The following ZKSCAN5 variants were observed in gnomAD, a reference collection of about 807,000 sequenced individuals.
ZKSCAN5 encodes zinc finger with KRAB and SCAN domains 5.
A neutral mutation model predicts 60.0 loss-of-function variants in ZKSCAN5; 28 were observed. That is an observed-to-expected ratio of 0.47 (90% CI 0.35 to 0.64). ZKSCAN5 has a LOEUF of 0.64. ZKSCAN5 is among the 30% of genes least tolerant of loss of function. The pLI is 0.01. For synonymous variants in ZKSCAN5, 361 were observed against 371.2 expected (o/e 0.97, Z 0.31); for missense variants, 881 against 1,034.6 (o/e 0.85, Z 2.04).
chr7:99,520,492 A>G (rs548311454), intron 5 of ZKSCAN5, among the ~76,000 whole-genome samples, 188 bp downstream of exon 5: 1 of 150,230 alleles, frequency 6.7e-6, no homozygotes, highest in African/African-American at 2.5e-5. Context: ...GATCATTTCC[A>G]TCTTAATAAG....
At chr7:99,520,395 G>A in intron 5 of ZKSCAN5, 91 bp downstream of exon 5, 2 of 1,422,588 alleles carry the variant, frequency 1.4e-6, no homozygotes, top group Non-Finnish European at 1.9e-6. Flanking sequence ...TGGCATTTAT[G>A]TTTTATGTGC....
intron 3 of ZKSCAN5, among the ~76,000 whole-genome samples, chr7:99,517,149 T>A (rs1363136009): frequency 6.6e-6 from 1 of 152,164 alleles, no homozygotes; most frequent in Non-Finnish European, 1.5e-5. Context: ...CAGCGCAACC[T>A]CTGCCTCCCA....
Position 99,526,194 on chromosome 7 carries a change from A to T in ZKSCAN5, c.1154A>T (p.Gln385Leu). 1 of 1,614,226 alleles carries T rather than the reference A, an allele frequency of 6.2e-7. No homozygotes were observed. Among genetic ancestry groups the T allele is most frequent in the Non-Finnish European group, 8.5e-7 (1 of 1,180,028 alleles). Residue 385 changes from glutamine to leucine, a missense_variant, in exon 6 of 7, where the codon CAG becomes CTG. By Grantham distance (113) the Gln-to-Leu change is moderately radical. Around this residue, in one of 5 missense-constraint regions of ZKSCAN5, gnomAD observed 490 missense variants for 554.5 expected, o/e 0.88. Coordinates refer to ENST00000326775, the MANE Select transcript of ZKSCAN5 (RefSeq NM_145102.4). The stretch of plus-strand genomic sequence containing the variant: ...GGAGAATGTGGGAAGAGCTACAATC[A>T]GCGGGTGCACCTCACCCAGCACCAG... The part of the protein sequence containing the change: ...KCGECGKSYN[Q>L]RVHLTQHQRV...
chr7:99,510,273 T>A (rs1415542869), intron 2 of ZKSCAN5, among the ~76,000 whole-genome samples: 1 of 151,906 alleles, frequency 6.6e-6, no homozygotes, highest in Admixed American at 6.6e-5. Context: ...GGAGTCTGGC[T>A]CTGCCACCCA....
intron 3 of ZKSCAN5, among the ~76,000 whole-genome samples, chr7:99,517,846 CA>C (rs34620664): frequency 0.4 from 51,816 of 129,742 alleles, 14,116 homozygotes; most frequent in African/African-American, 0.79. Context: ...GACCTTGTCT[CA>C]AAAAAAAAAA....
chr7:99,528,445 G>T (rs1221361247), intron 6 of ZKSCAN5, among the ~76,000 whole-genome samples: 1 of 151,328 alleles, frequency 6.6e-6, no homozygotes, highest in African/African-American at 2.4e-5. Flanking sequence ...TTTGTATTTT[G>T]AGATAGGGTC....
intron 2 of ZKSCAN5, 27 bp downstream of exon 2, chr7:99,506,485 A>C: frequency 6.3e-7 from 1 of 1,583,110 alleles, no homozygotes; most frequent in East Asian, 2.2e-5. Context: ...CTATATGAGC[A>C]ATGAAGGAGA....
Position 99,531,456 on chromosome 7 carries a change from C to G in ZKSCAN5, c.1727C>G (p.Pro576Arg). The change falls in exon 7 of 7, where the codon CCA becomes CGA. Residue 576 changes from proline (P) to arginine (R), a missense_variant. This residue lies in a region of ZKSCAN5 where 112 missense variants were observed against 182.4 expected (regional missense o/e 0.61). Coordinates refer to ENST00000326775, the MANE Select transcript of ZKSCAN5 (RefSeq NM_145102.4). ...QHQRIHTGEK[P>R]FRCEECGKSY... is the part of the protein sequence containing the mutation. ...CAAAGAATACACACTGGGGAGAAACCATTCAGGTGTGAGGAATGTGGGAAA... is the reference window on the plus strand; with the variant it reads ...CAAAGAATACACACTGGGGAGAAACGATTCAGGTGTGAGGAATGTGGGAAA... 1 of 1,614,178 alleles carries G rather than the reference C, an allele frequency of 6.2e-7. No homozygotes were observed. The highest frequency in any genetic ancestry group is 8.5e-7 in the Non-Finnish European group (1 of 1,180,022).
In ZKSCAN5 at chr7:99,533,348, T is replaced by G; in HGVS notation, c.*1099T>G. ...AAGAGGATGACATGTGTGAGAGAGTTCTGAGCCTGTTTGCTAGGGAGAGTG... is the reference window on the plus strand; with the variant it reads ...AAGAGGATGACATGTGTGAGAGAGTGCTGAGCCTGTTTGCTAGGGAGAGTG... On this transcript the variant is annotated 3_prime_UTR_variant, in exon 7 of 7. Coordinates refer to ENST00000326775, the MANE Select transcript of ZKSCAN5 (RefSeq NM_145102.4). 1.6e-6 allele frequency: 1 copy of G among 614,702 alleles called. No individual in the cohort carries two copies. Among genetic ancestry groups the G allele is most frequent in the Non-Finnish European group, 3.0e-6 (1 of 332,708 alleles). The allele number at this position is 614,702 out of a possible 1,614,324, so 38.1% of individuals were successfully genotyped here.
intron 1 of ZKSCAN5, 85 bp from the exon 2 acceptor site, chr7:99,505,920 A>T: frequency 8.5e-7 from 1 of 1,172,886 alleles, no homozygotes; most frequent in Non-Finnish European, 1.2e-6. Context: ...CTTTGCTAAT[A>T]ATGATGCCCA....
At chr7:99,524,314 T>A (rs1562912282) in intron 5 of ZKSCAN5, among the ~76,000 whole-genome samples, 1 of 152,136 alleles carries the variant, frequency 6.6e-6, no homozygotes, top group Non-Finnish European at 1.5e-5. Flanking sequence ...CCTCAAGTGA[T>A]CCGCCTACCT....
At chr7:99,514,831 A>T (rs1801192555) in intron 3 of ZKSCAN5, among the ~76,000 whole-genome samples, 1 of 151,928 alleles carries the variant, frequency 6.6e-6, no homozygotes, top group South Asian at 2.1e-4. Context: ...GAATTGCTTG[A>T]ACCCGGGAGT....
Position 99,506,116 on chromosome 7 carries a change from C to A in ZKSCAN5, c.72C>A (p.Asp24Glu). Residue 24 changes from aspartate to glutamate, a missense_variant, in exon 2 of 7, where the codon GAC (aspartate) becomes GAA (glutamate). This residue lies in a region of ZKSCAN5 where 88 missense variants were observed against 65.2 expected (regional missense o/e 1.35). Transcript: ENST00000326775. ...CTGAGACTTCCCAGGAGCAGGAAGA[C>A]CTTTTCATAGTGAAGGTGGAAGAAG... ...PPAETSQEQE[D>E]LFIVKVEEED... 1 of 1,614,148 alleles carries A rather than the reference C, an allele frequency of 6.2e-7. No homozygotes were observed. Among genetic ancestry groups the A allele is most frequent in the East Asian group, 2.2e-5 (1 of 44,882 alleles).
Position 99,512,566 on chromosome 7 carries a change from G to T in ZKSCAN5, c.528G>T (p.Gln176His), listed in dbSNP as rs571276771. The T allele has an allele frequency of 6.2e-7, 1 of 1,614,140 alleles. No homozygotes were observed. Among genetic ancestry groups the T allele is most frequent in the East Asian group, 2.2e-5 (1 of 44,874 alleles). Residue 176 changes from glutamine (Q) to histidine (H), a missense_variant, in exon 3 of 7, where the codon CAG becomes CAT. Around this residue, in one of 5 missense-constraint regions of ZKSCAN5, gnomAD observed 490 missense variants for 554.5 expected, o/e 0.88. Coordinates refer to ENST00000326775, the MANE Select transcript of ZKSCAN5 (RefSeq NM_145102.4). Reference protein sequence around the residue: ...TVDTQPEQAPQKPRLLEENAL... With the variant: ...TVDTQPEQAPHKPRLLEENAL... ...ACACCCAGCCTGAGCAAGCGCCACAGAAGCCTCGTCTCCTGGAGGAAAATG... is the reference window on the plus strand; with the variant it reads ...ACACCCAGCCTGAGCAAGCGCCACATAAGCCTCGTCTCCTGGAGGAAAATG...
chr7:99,514,546 T>G (rs1294750071), intron 3 of ZKSCAN5, among the ~76,000 whole-genome samples: 1 of 151,786 alleles, frequency 6.6e-6, no homozygotes, highest in African/African-American at 2.4e-5. Context: ...CCAAAGCAGG[T>G]GGATCTCTTG....
chr7:99,520,227 G>T lies in ZKSCAN5; in HGVS notation c.695G>T (p.Trp232Leu), dbSNP rs1421091299. The T allele has an allele frequency of 1.2e-6, 2 of 1,614,136 alleles. No individual in the cohort carries two copies. The highest frequency in any genetic ancestry group is 1.7e-6 in the Non-Finnish European group (2 of 1,180,012). Residue 232 changes from tryptophan to leucine, a missense_variant, in exon 5 of 7, where the codon TGG (tryptophan) becomes TTG (leucine). By Grantham distance (61) the Trp-to-Leu change is moderately conservative. This residue lies in a region of ZKSCAN5 where 490 missense variants were observed against 554.5 expected (regional missense o/e 0.88). Transcript: ENST00000326775. Reference sequence around the variant, plus strand: ...GCTGTATCCTTCATCCTGGAGGAATGGGGGCATTTGGACCAGTCCCAGAAG... The same window carrying T: ...GCTGTATCCTTCATCCTGGAGGAATTGGGGCATTTGGACCAGTCCCAGAAG... Reference protein sequence around the residue: ...DVAVSFILEEWGHLDQSQKSL... With the variant: ...DVAVSFILEELGHLDQSQKSL...
chr7:99,517,254 G>A (rs1742910339), intron 3 of ZKSCAN5, among the ~76,000 whole-genome samples: 1 of 152,060 alleles, frequency 6.6e-6, no homozygotes, highest in South Asian at 2.1e-4. Flanking sequence ...AGTAGAGATG[G>A]GGTTTCTCCA....
chr7:99,519,655 T>C (rs1801430483), intron 3 of ZKSCAN5, among the ~76,000 whole-genome samples, 172 bp from the exon 4 acceptor site: 1 of 152,024 alleles, frequency 6.6e-6, no homozygotes, highest in Admixed American at 6.6e-5. Context: ...AAAGGAGGAA[T>C]AAAACAGAGT....
chr7:99,517,510 G>A (rs752068473), intron 3 of ZKSCAN5, among the ~76,000 whole-genome samples: 12 of 152,100 alleles, frequency 7.9e-5, no homozygotes, highest in Admixed American at 2.0e-4. Flanking sequence ...GCGAAATCCC[G>A]TCTCTACTAA....
Sources: gnomAD v4.1 joint callset for allele counts (sites outside exome capture counted in the v4.1 genomes callset) on GRCh38, gnomAD v4.1.1 for gene constraint, gnomAD v4.1.1 regional missense constraint, MANE v1.5 for transcripts, NCBI Gene and HGNC (gene_info 2026-07-23, HGNC 2026-07-21) for gene names.